The following FHIT variants were observed in gnomAD, a reference collection of about 807,000 sequenced individuals.
FHIT encodes the protein fragile histidine triad diadenosine triphosphatase.
Under a neutral mutation model 17.9 loss-of-function variants are expected in FHIT, and 19 were observed. That is an observed-to-expected ratio of 1.06 (90% confidence interval 0.74 to 1.56). The LOEUF (loss-of-function observed/expected upper bound fraction) is 1.56, where lower values mean the gene tolerates loss of function less well. Among genes scored for constraint, FHIT ranks in the 40% most tolerant of loss-of-function variants. The pLI, the probability that FHIT is intolerant of heterozygous loss-of-function variation, is 0.00. For synonymous variants in FHIT, 81 were observed against 69.7 expected, an observed-to-expected ratio of 1.16 and a Z score of -0.81; for missense variants, 248 against 189.2, an observed-to-expected ratio of 1.31 and a Z score of -1.82.
At chr3:60,926,392 A>C (rs547042425) in intron 3 of FHIT, among the ~76,000 whole-genome samples, 38 of 152,370 alleles carry the variant, frequency 2.5e-4, no homozygotes, top group African/African-American at 8.4e-4. Context: ...AGAACTCAGG[A>C]TTAAGAAACT....
intron 5 of FHIT, among the ~76,000 whole-genome samples, chr3:60,106,694 T>C (rs1042368607): frequency 6.6e-6 from 1 of 152,138 alleles, no homozygotes; most frequent in Non-Finnish European, 1.5e-5. Flanking sequence ...ATCCTTTCTA[T>C]CTTCCCAAAG....
At chr3:60,550,850 A>C (rs765739892) in intron 4 of FHIT, among the ~76,000 whole-genome samples, 1 of 152,152 alleles carries the variant, frequency 6.6e-6, no homozygotes, top group Non-Finnish European at 1.5e-5. Flanking sequence ...TTCTAGGCAC[A>C]GGGTGCATAT....
At chr3:60,740,922 T>C (rs1553713723) in intron 4 of FHIT, among the ~76,000 whole-genome samples, 1 of 152,188 alleles carries the variant, frequency 6.6e-6, no homozygotes, top group Non-Finnish European at 1.5e-5. Flanking sequence ...GTTTTTGTTT[T>C]GTTTTGTTTT....
intron 5 of FHIT, among the ~76,000 whole-genome samples, chr3:60,064,582 T>C (rs1341693380): frequency 6.6e-6 from 1 of 152,226 alleles, no homozygotes; most frequent in Non-Finnish European, 1.5e-5. Flanking sequence ...TGAGCAGCTC[T>C]AGAGCTGTCA....
At chr3:59,850,316 A>G (rs536531770) in intron 8 of FHIT, among the ~76,000 whole-genome samples, 1 of 152,202 alleles carries the variant, frequency 6.6e-6, no homozygotes, top group Admixed American at 6.5e-5. Flanking sequence ...CTTTACCAAC[A>G]TCTACTTTAA....
At chr3:59,765,002 A>G (rs949596554) in intron 8 of FHIT, among the ~76,000 whole-genome samples, 23 of 152,058 alleles carry the variant, frequency 1.5e-4, no homozygotes, top group African/African-American at 5.3e-4. Context: ...CAATACCCTC[A>G]CCTTTCTCAG....
intron 3 of FHIT, among the ~76,000 whole-genome samples, chr3:60,832,361 G>C (rs530864824): frequency 1.6e-4 from 24 of 152,206 alleles, no homozygotes; most frequent in African/African-American, 5.8e-4. Flanking sequence ...GATCCAGACA[G>C]AATGACTCAC....
At chr3:61,030,558 C>T (rs1313323853) in intron 3 of FHIT, among the ~76,000 whole-genome samples, 1 of 152,220 alleles carries the variant, frequency 6.6e-6, no homozygotes, top group Non-Finnish European at 1.5e-5. Flanking sequence ...CTATTGGACA[C>T]ATCACTGAAC....
At chr3:61,175,745 G>C (rs1287800773) in intron 2 of FHIT, among the ~76,000 whole-genome samples, 1 of 152,078 alleles carries the variant, frequency 6.6e-6, no homozygotes, top group Non-Finnish European at 1.5e-5. Flanking sequence ...AGAGGATGCA[G>C]CAACAAAGCA....
chr3:61,039,870 A>C (rs2033426460), intron 3 of FHIT, among the ~76,000 whole-genome samples: 1 of 152,174 alleles, frequency 6.6e-6, no homozygotes, highest in Non-Finnish European at 1.5e-5. Flanking sequence ...AAACAAAAAA[A>C]CTTGTAAGGG....
At chr3:60,657,271 G>C (rs2040139379) in intron 4 of FHIT, among the ~76,000 whole-genome samples, 1 of 152,132 alleles carries the variant, frequency 6.6e-6, no homozygotes, top group African/African-American at 2.4e-5. Flanking sequence ...AGCAATTGGA[G>C]GGCAAAACTG....
chr3:60,080,870 G>C (rs1407916130), intron 5 of FHIT: 1 of 152,168 alleles, frequency 6.6e-6, no homozygotes, highest in Non-Finnish European at 1.5e-5. Flanking sequence ...GGATGAAATA[G>C]ATGACTGTTC....
chr3:60,224,979 C>T (rs1704126876), intron 5 of FHIT, among the ~76,000 whole-genome samples: 1 of 152,018 alleles, frequency 6.6e-6, no homozygotes, highest in African/African-American at 2.4e-5. Flanking sequence ...CCTAGGCCTC[C>T]CAAAGTGCTG....
chr3:59,921,725 C>A (rs1043180028), intron 8 of FHIT, among the ~76,000 whole-genome samples: 7 of 152,222 alleles, frequency 4.6e-5, no homozygotes, highest in Admixed American at 2.6e-4. Flanking sequence ...TCTGAAAGTT[C>A]TCATGTAGAC....
intron 4 of FHIT, among the ~76,000 whole-genome samples, chr3:60,543,706 C>T (rs1403518987): frequency 6.6e-6 from 1 of 151,986 alleles, no homozygotes; most frequent in African/African-American, 2.4e-5. Flanking sequence ...TGAACTCTTG[C>T]ATTGCTTCTA....
intron 8 of FHIT, among the ~76,000 whole-genome samples, chr3:59,792,755 T>C (rs1378346351): frequency 6.6e-6 from 1 of 152,114 alleles, no homozygotes; most frequent in Non-Finnish European, 1.5e-5. Context: ...GGATGCTTCA[T>C]TAGGTAGGAA....
At chr3:60,769,776 C>T (rs1395160849) in intron 4 of FHIT, among the ~76,000 whole-genome samples, 1 of 152,210 alleles carries the variant, frequency 6.6e-6, no homozygotes, top group Non-Finnish European at 1.5e-5. Flanking sequence ...GCTATTGTTA[C>T]AGGTGCATAC....
At chr3:60,305,521 C>G (rs1359330132) in intron 5 of FHIT, among the ~76,000 whole-genome samples, 1 of 152,064 alleles carries the variant, frequency 6.6e-6, no homozygotes, top group Non-Finnish European at 1.5e-5. Context: ...TTGATTCAAC[C>G]CAAACACTGT....
intron 3 of FHIT, among the ~76,000 whole-genome samples, chr3:60,860,120 A>ATATATCTGATATATGATATATAT (rs1559777931): frequency 9.8e-6 from 1 of 102,032 alleles, no homozygotes; most frequent in African/African-American, 3.7e-5. Flanking sequence ...ATGATATATA[A>ATATATCTGATATATGATATATAT]ATGATATATC....
Sources: gnomAD v4.1 joint callset for allele counts (sites outside exome capture counted in the v4.1 genomes callset) on GRCh38, gnomAD v4.1.1 for gene constraint, MANE v1.5 for transcripts, NCBI Gene and HGNC (gene_info 2026-07-23, HGNC 2026-07-21) for gene names.